ST8SIA4: variants seen among roughly 807,000 people sequenced by gnomAD.
The protein encoded by ST8SIA4 is CMP-N-acetylneuraminate-poly-alpha-2,8-sialyltransferase.
Under a neutral mutation model 33.9 loss-of-function variants are expected in ST8SIA4, and 15 were observed. The ratio of observed to expected loss-of-function variants is 0.44; its 90% CI spans 0.30 to 0.68. The LOEUF is 0.68. ST8SIA4 is among the 30% of genes least tolerant of loss of function. ST8SIA4 has a pLI of 0.10. For missense variants in ST8SIA4, 321 were observed against 428.0 expected (o/e 0.75, Z 2.21); for synonymous variants, 171 against 151.2 (o/e 1.13, Z -0.96).
At position 100,903,068 on chromosome 5, in the gene ST8SIA4, G is replaced by C; in HGVS notation, c.-113C>G. The C allele has an allele frequency of 5.4e-6, 4 of 735,888 alleles. No homozygotes were observed. Among genetic ancestry groups the C allele is most frequent in the Non-Finnish European group, 9.2e-6 (4 of 434,704 alleles). 45.6% of individuals were successfully genotyped at this position (735,888 alleles called of 1,614,324 possible). A position where few individuals can be genotyped will look rare whatever the true frequency, so the allele number is the denominator to read the frequency against. ...GTGAAATCTGTAAAATGCGAGGAGA[G>C]CTTGGAGCCGGGATCCCGGGATCAG... On this transcript the variant is annotated 5_prime_UTR_variant, in exon 1 of 5. Coordinates refer to ENST00000231461, the MANE Select transcript of ST8SIA4 (RefSeq NM_005668.6).
In ST8SIA4 at chr5:100,872,436, C is replaced by T. The variant is rs530469184; in HGVS notation, c.503+13907G>A. On this transcript the variant is annotated intron_variant, in intron 3 of 4. Coordinates refer to ENST00000231461, the MANE Select transcript of ST8SIA4 (RefSeq NM_005668.6). ...TGTGTCATAGACACCAGAATTTATCCTTTTTGTCTGATAGGATTTAGCTGT... is the reference window on the plus strand; with the variant it reads ...TGTGTCATAGACACCAGAATTTATCTTTTTTGTCTGATAGGATTTAGCTGT... Among the ~76,000 whole-genome samples, 20 of 151,974 alleles carry T rather than the reference C, an allele frequency of 1.3e-4. No homozygotes were observed. The South Asian group carries it at 4.2e-3, about 32-fold the overall frequency.
intron 4 of ST8SIA4, among the ~76,000 whole-genome samples, chr5:100,823,603 C>G (rs1310384942): frequency 6.6e-6 from 1 of 152,112 alleles, no homozygotes; most frequent in African/African-American, 2.4e-5. Flanking sequence ...TATAATTTAA[C>G]GAACTAGTGC....
At chr5:100,818,628 AT>A (rs571878033) in intron 4 of ST8SIA4, among the ~76,000 whole-genome samples, 15 of 151,744 alleles carry the variant, frequency 9.9e-5, no homozygotes, top group Admixed American at 2.0e-4. Context: ...TCAATTGTTA[AT>A]TTTTTTTTCT....
intron 2 of ST8SIA4, among the ~76,000 whole-genome samples, chr5:100,893,008 TAAATAA>T (rs1178128624): frequency 2.6e-5 from 4 of 151,838 alleles, no homozygotes; most frequent in Non-Finnish European, 5.9e-5. Flanking sequence ...AAATAAAAAA[TAAATAA>T]AAATAAAAAT....
chr5:100,858,686 G>C (rs183948227), intron 3 of ST8SIA4, among the ~76,000 whole-genome samples: 3 of 152,044 alleles, frequency 2.0e-5, no homozygotes, highest in African/African-American at 7.2e-5. Flanking sequence ...AATGGAATAA[G>C]AATATTTATG....
At chr5:100,851,760 GT>G (rs1177694606) in intron 4 of ST8SIA4, among the ~76,000 whole-genome samples, 15 of 151,756 alleles carry the variant, frequency 9.9e-5, no homozygotes, top group Non-Finnish European at 7.4e-5. Context: ...TGTAATGTTT[GT>G]TTTTTTCCCA....
At chr5:100,885,910 A>G (rs2112472158) in intron 3 of ST8SIA4, 1 of 823,786 alleles carries the variant, frequency 1.2e-6, no homozygotes, top group Middle Eastern at 6.3e-4. Flanking sequence ...TGTTCTTACT[A>G]TCTCCTAGAT....
At chr5:100,819,618 G>C (rs537549356) in intron 4 of ST8SIA4, among the ~76,000 whole-genome samples, 11 of 152,304 alleles carry the variant, frequency 7.2e-5, no homozygotes, top group Non-Finnish European at 1.6e-4. Context: ...ACGCAGAAGA[G>C]ACAGAAAATA....
At chr5:100,818,337 T>C (rs1277074184) in intron 4 of ST8SIA4, among the ~76,000 whole-genome samples, 9 of 151,988 alleles carry the variant, frequency 5.9e-5, no homozygotes, top group Non-Finnish European at 1.2e-4. Context: ...TCAATAGTGG[T>C]TTTTTTTCTA....
intron 4 of ST8SIA4, among the ~76,000 whole-genome samples, chr5:100,834,658 T>C (rs557009993): frequency 1.2e-4 from 19 of 152,256 alleles, no homozygotes; most frequent in African/African-American, 4.3e-4. Context: ...TTGGATCATG[T>C]GGGTGGATCC....
At chr5:100,833,032 G>A (rs922555490) in intron 4 of ST8SIA4, among the ~76,000 whole-genome samples, 1 of 152,040 alleles carries the variant, frequency 6.6e-6, no homozygotes, top group Admixed American at 6.6e-5. Context: ...AATATACATC[G>A]TGCTATGCAT....
Position 100,811,803 on chromosome 5 carries a change from C to T in ST8SIA4, c.*44G>A, listed in dbSNP as rs377556708. 281 of 1,541,234 alleles carry T rather than the reference C, an allele frequency of 1.8e-4. 1 individual carries two copies. The highest frequency in any genetic ancestry group is 2.2e-4 in the Non-Finnish European group (255 of 1,144,530). On this transcript the variant is annotated 3_prime_UTR_variant, in exon 5 of 5. Transcript: ENST00000231461. ...GATCCTATTTTCAAATCTTCGGAAG[C>T]ATCTTCAGAAAAGAAGTGCATATTG...
chr5:100,889,009 C>T (rs758533033), intron 2 of ST8SIA4, among the ~76,000 whole-genome samples: 1 of 151,678 alleles, frequency 6.6e-6, no homozygotes, highest in Non-Finnish European at 1.5e-5. Context: ...ATAGAAATAC[C>T]ACTGACACAC....
chr5:100,881,079 G>A (rs1278585046), intron 3 of ST8SIA4, among the ~76,000 whole-genome samples: 1 of 152,150 alleles, frequency 6.6e-6, no homozygotes, highest in African/African-American at 2.4e-5. Context: ...TTTGTATGCA[G>A]GTAAGACTCA....
At position 100,809,815 on chromosome 5, in the gene ST8SIA4, CATTAG is replaced by C. The variant is rs1219735578; in HGVS notation, c.*2027_*2031del. On this transcript the variant is annotated 3_prime_UTR_variant, in exon 5 of 5. Coordinates refer to ENST00000231461, the MANE Select transcript of ST8SIA4 (RefSeq NM_005668.6). ...TTTTTAGCTATCAGTCTCCTATACG[CATTAG>C]ATTTTACTTACTTAGAGACACATAC... is the stretch of plus-strand genomic sequence containing the variant. 1 of 152,124 alleles carries C rather than the reference CATTAG, an allele frequency of 6.6e-6. No homozygotes were observed. Among genetic ancestry groups the C allele is most frequent in the Non-Finnish European group, 1.5e-5 (1 of 68,016 alleles). The allele number at this position is 152,124 out of a possible 1,614,324, so 9.4% of individuals were successfully genotyped here.
rs191811294 is a variant in ST8SIA4, at chr5:100,901,315, G to A, written c.113+1528C>T. ...ACCCTCGGAGTCCTAGTGAGCCTTG[G>A]CCGCTTTGTCTGGGATCAGGCTTAT... On this transcript the variant is annotated intron_variant, in intron 1 of 4. Transcript: ENST00000231461. Among the ~76,000 whole-genome samples, 170 of 152,300 alleles carry A rather than the reference G, an allele frequency of 1.1e-3. 1 individual carries two copies. Among genetic ancestry groups the A allele is most frequent in the Middle Eastern group, 6.8e-3 (2 of 294 alleles).
intron 4 of ST8SIA4, among the ~76,000 whole-genome samples, chr5:100,813,695 T>C (rs1750857498): frequency 6.6e-6 from 1 of 152,028 alleles, no homozygotes; most frequent in Admixed American, 6.6e-5. Context: ...CTCTGGGCTC[T>C]GAGAAAACAA....
chr5:100,815,703 G>C (rs1343150919), intron 4 of ST8SIA4, among the ~76,000 whole-genome samples: 1 of 151,964 alleles, frequency 6.6e-6, no homozygotes, highest in African/African-American at 2.4e-5. Context: ...TGAAAATTTG[G>C]AATGTCTCTA....
chr5:100,823,368 C>G (rs1278312945), intron 4 of ST8SIA4, among the ~76,000 whole-genome samples: 1 of 152,214 alleles, frequency 6.6e-6, no homozygotes, highest in African/African-American at 2.4e-5. Context: ...CAACCAGCAG[C>G]CCTTGGGGCT....
Sources: gnomAD v4.1 joint callset for allele counts (sites outside exome capture counted in the v4.1 genomes callset) on GRCh38, gnomAD v4.1.1 for gene constraint, MANE v1.5 for transcripts, NCBI Gene and HGNC (gene_info 2026-07-23, HGNC 2026-07-21) for gene names.